The following SGCZ variants were observed in gnomAD, a reference collection of about 807,000 sequenced individuals.
SGCZ encodes zeta-sarcoglycan.
Under a neutral mutation model 41.3 loss-of-function variants are expected in SGCZ, and 40 were observed. The observed-to-expected ratio is 0.97, with a 90% CI of 0.75 to 1.26. The LOEUF is 1.26. SGCZ is among the 50% of genes most tolerant of loss of function. The pLI, the probability that SGCZ is intolerant of heterozygous loss-of-function variation, is 0.00. For missense variants in SGCZ, 552 were observed against 369.8 expected (o/e 1.49, Z -4.04); for synonymous variants, 206 against 137.5 (o/e 1.50, Z -3.49).
intron 1 of SGCZ, among the ~76,000 whole-genome samples, chr8:14,925,501 G>C (rs987770166): frequency 6.6e-6 from 1 of 152,158 alleles, no homozygotes; most frequent in African/African-American, 2.4e-5. Flanking sequence ...CTTCTTAAAG[G>C]CTAAGTTTTC....
chr8:14,682,436 A>ATTTT (rs11448326), intron 1 of SGCZ, among the ~76,000 whole-genome samples: 8 of 141,648 alleles, frequency 5.6e-5, no homozygotes, highest in Non-Finnish European at 1.1e-4. Context: ...CTGCAATGCA[A>ATTTT]TTTTTTTTTT....
intron 1 of SGCZ, among the ~76,000 whole-genome samples, chr8:15,111,619 C>T (rs908703209): frequency 6.6e-6 from 1 of 152,112 alleles, no homozygotes; most frequent in Non-Finnish European, 1.5e-5. Context: ...CCCTACATTT[C>T]GGCCGGGTGT....
intron 1 of SGCZ, among the ~76,000 whole-genome samples, chr8:14,763,773 G>C (rs1258369264): frequency 1.3e-5 from 2 of 152,102 alleles, no homozygotes; most frequent in Non-Finnish European, 2.9e-5. Context: ...TATAGCCTTA[G>C]TTCTACATAG....
At chr8:14,839,956 GTAT>G (rs1293931067) in intron 1 of SGCZ, among the ~76,000 whole-genome samples, 1 of 151,960 alleles carries the variant, frequency 6.6e-6, no homozygotes, top group East Asian at 1.9e-4. Context: ...CTAATTTGTA[GTAT>G]TATGTAATCA....
intron 1 of SGCZ, among the ~76,000 whole-genome samples, chr8:14,773,737 G>A (rs1800316581): frequency 6.6e-6 from 1 of 152,050 alleles, no homozygotes; most frequent in Non-Finnish European, 1.5e-5. Flanking sequence ...TATGGTGAGG[G>A]GCCTCCTTCT....
chr8:14,484,945 G>A (rs75240115), intron 2 of SGCZ, among the ~76,000 whole-genome samples: 4,907 of 152,198 alleles, frequency 0.032, 247 homozygotes, highest in African/African-American at 0.11. Context: ...ATCAGTAATA[G>A]CAACAGTTTG....
intron 2 of SGCZ, chr8:14,487,718 T>C (rs1801715245): frequency 6.6e-6 from 1 of 152,242 alleles, no homozygotes; most frequent in Non-Finnish European, 1.5e-5. Context: ...ATCTCAGAAT[T>C]ACTAATACTT....
intron 2 of SGCZ, among the ~76,000 whole-genome samples, chr8:14,462,786 T>C (rs1013361071): frequency 1.3e-5 from 2 of 151,884 alleles, no homozygotes; most frequent in East Asian, 1.9e-4. Context: ...AAGGATCGCA[T>C]TGAATCTGTA....
At chr8:14,093,391 G>C (rs866511444) in intron 7 of SGCZ, among the ~76,000 whole-genome samples, 3 of 152,000 alleles carry the variant, frequency 2.0e-5, no homozygotes, top group Non-Finnish European at 4.4e-5. Context: ...CACTTCAATT[G>C]GATCCTGATG....
intron 5 of SGCZ, among the ~76,000 whole-genome samples, chr8:14,131,198 G>A (rs1165755566): frequency 6.6e-6 from 1 of 152,116 alleles, no homozygotes; most frequent in Non-Finnish European, 1.5e-5. Flanking sequence ...GACAAAAGAT[G>A]CCGCTTCAGA....
chr8:14,914,908 G>T (rs1462246202), intron 1 of SGCZ, among the ~76,000 whole-genome samples: 1 of 152,060 alleles, frequency 6.6e-6, no homozygotes, highest in Non-Finnish European at 1.5e-5. Flanking sequence ...TATCCCCCCA[G>T]ATCATTTTTA....
intron 1 of SGCZ, among the ~76,000 whole-genome samples, chr8:14,613,276 ATT>A (rs1438967181): frequency 1.2e-4 from 18 of 152,196 alleles, no homozygotes. Flanking sequence ...CTGAAAATAT[ATT>A]TCATAACATA....
At chr8:14,978,952 C>T (rs1008111994) in intron 1 of SGCZ, among the ~76,000 whole-genome samples, 1 of 152,126 alleles carries the variant, frequency 6.6e-6, no homozygotes, top group Admixed American at 6.5e-5. Context: ...GCATGTGCCA[C>T]CACGCCCAAC....
At chr8:14,133,857 T>C (rs1312562096) in intron 5 of SGCZ, among the ~76,000 whole-genome samples, 1 of 152,182 alleles carries the variant, frequency 6.6e-6, no homozygotes, top group African/African-American at 2.4e-5. Context: ...TACATTATAC[T>C]GCACTCCAGT....
At chr8:15,038,026 C>G (rs928669521) in intron 1 of SGCZ, among the ~76,000 whole-genome samples, 3 of 152,000 alleles carry the variant, frequency 2.0e-5, no homozygotes, top group Non-Finnish European at 4.4e-5. Context: ...AATGTCCATA[C>G]TAACGGAAGC....
At chr8:14,345,525 A>C (rs1802864079) in intron 2 of SGCZ, among the ~76,000 whole-genome samples, 1 of 152,148 alleles carries the variant, frequency 6.6e-6, no homozygotes, top group Non-Finnish European at 1.5e-5. Context: ...TTATCTCTGC[A>C]GTTATCTGTT....
chr8:14,829,059 C>T lies in SGCZ; in HGVS notation c.40-274133G>A, dbSNP rs556019309. ...TTTAAGTTCAAGGGGTACATGTGTC[C>T]CTGAAACCTTTGTGTAACAAAGGTT... On this transcript the variant is annotated intron_variant, in intron 1 of 7. Transcript: ENST00000382080. Among the ~76,000 whole-genome samples the T allele has an allele frequency of 1.8e-3, 267 of 152,016 alleles. 9 individuals carry two copies. The South Asian group carries it at 0.034, about 19-fold the overall frequency.
intron 1 of SGCZ, among the ~76,000 whole-genome samples, chr8:14,802,459 C>T (rs1801352183): frequency 6.6e-6 from 1 of 152,136 alleles, no homozygotes; most frequent in African/African-American, 2.4e-5. Flanking sequence ...TTCATAAATA[C>T]CCCCATTCAG....
intron 3 of SGCZ, among the ~76,000 whole-genome samples, chr8:14,250,496 A>G (rs1248941554): frequency 8.5e-5 from 13 of 152,132 alleles, no homozygotes; most frequent in Admixed American, 8.5e-4. Flanking sequence ...GTGATATAGG[A>G]CATTTACAGG....
Sources: allele counts gnomAD v4.1 joint callset (sites outside exome capture counted in the v4.1 genomes callset), GRCh38; gene constraint gnomAD v4.1.1; transcripts MANE v1.5; gene names NCBI Gene and HGNC (gene_info 2026-07-23, HGNC 2026-07-21).